Variants in CCDC171 observed in about 807,000 individuals in gnomAD.
CCDC171 encodes the protein coiled-coil domain-containing protein 171.
Under a neutral mutation model 168.2 loss-of-function variants are expected in CCDC171, and 177 were observed. The ratio of observed to expected loss-of-function variants is 1.05; its 90% confidence interval spans 0.93 to 1.19. The LOEUF (loss-of-function observed/expected upper bound fraction) is 1.19, where lower values mean the gene tolerates loss of function less well. CCDC171 is among the 50% of genes most tolerant of loss of function. The probability of loss-of-function intolerance (pLI) is 0.00; values close to 1 mark genes in which losing one functional copy is unlikely to be tolerated. For missense variants in CCDC171, 1,991 were observed against 1,539.0 expected, an observed-to-expected ratio of 1.29 and a Z score of -4.91; for synonymous variants, 687 against 540.8, an observed-to-expected ratio of 1.27 and a Z score of -3.75.
rs558326427 is a variant in CCDC171 at position 15,749,283 on chromosome 9, A to C, written c.2671+3652A>C. On this transcript the variant is annotated intron_variant, in intron 18 of 25. Coordinates refer to ENST00000380701, the MANE Select transcript of CCDC171 (RefSeq NM_173550.4). ...ACAAGAAGAGCTAACTATCCTAAAT[A>C]TATATGCACCCAATACAGGAGCACC... 2.6e-3 allele frequency among the ~76,000 whole-genome samples: 403 copies of C among 152,344 alleles called. 2 individuals carry two copies. Among genetic ancestry groups the C allele is most frequent in the African/African-American group, 9.1e-3 (377 of 41,580 alleles).
intron 18 of CCDC171, among the ~76,000 whole-genome samples, chr9:15,754,992 G>A (rs1320659130): frequency 6.6e-6 from 1 of 152,090 alleles, no homozygotes. Context: ...TAAAAAGATG[G>A]TTCTGTTATA....
At chr9:16,054,016 C>T (rs889762834) in intron 1 of CCDC171, among the ~76,000 whole-genome samples, 4 of 152,222 alleles carry the variant, frequency 2.6e-5, no homozygotes, top group African/African-American at 9.6e-5. Flanking sequence ...AACCTGCAGC[C>T]TGGCCTGCTG....
At chr9:15,697,925 C>T (rs972222827) in intron 11 of CCDC171, among the ~76,000 whole-genome samples, 1 of 152,124 alleles carries the variant, frequency 6.6e-6, no homozygotes, top group African/African-American at 2.4e-5. Context: ...TATTTTGATA[C>T]ATGCATGAAA....
intron 3 of CCDC171, among the ~76,000 whole-genome samples, chr9:16,012,531 AT>A (rs1327571932): frequency 1.5e-5 from 2 of 136,854 alleles, no homozygotes; most frequent in Non-Finnish European, 3.2e-5. Context: ...TAATCTCCAT[AT>A]TTTCTATTGA....
chr9:15,875,040 A>AG, intron 24 of CCDC171: 1 of 153,250 alleles, frequency 6.5e-6, no homozygotes, highest in Non-Finnish European at 1.5e-5. Flanking sequence ...TAGAAAAAAA[A>AG]TAAAATAATA....
At chr9:15,741,922 C>G (rs2054905379) in intron 16 of CCDC171, among the ~76,000 whole-genome samples, 1 of 152,298 alleles carries the variant, frequency 6.6e-6, no homozygotes, top group African/African-American at 2.4e-5. Flanking sequence ...GTGTCTCTAT[C>G]TCTACCTGTA....
chr9:15,595,309 C>T (rs1283828699), intron 6 of CCDC171, among the ~76,000 whole-genome samples: 1 of 152,146 alleles, frequency 6.6e-6, no homozygotes, highest in Non-Finnish European at 1.5e-5. Flanking sequence ...TCCCCTGACC[C>T]CACAACAGGC....
chr9:15,746,040 A>AT lies in CCDC171; in HGVS notation c.2671+416dup, dbSNP rs544150751. ...ATTTTTATCTCTCGTTTTGTGATAT[A>AT]TTTTTTTACTTTTTCTAGTTTATTT... is the stretch of plus-strand genomic sequence containing the variant. On this transcript the variant is annotated intron_variant, in intron 18 of 25. Transcript: ENST00000380701. Among the ~76,000 whole-genome samples, 88 of 152,098 alleles carry AT rather than the reference A, an allele frequency of 5.8e-4. 1 individual carries two copies. The highest frequency in any genetic ancestry group is 2.1e-3 in the African/African-American group (86 of 41,490).
intron 6 of CCDC171, among the ~76,000 whole-genome samples, chr9:15,618,241 A>C (rs993974389): frequency 6.6e-6 from 1 of 152,172 alleles, no homozygotes; most frequent in African/African-American, 2.4e-5. Context: ...GAATCCAGAG[A>C]AGCAGTCTGG....
chr9:15,755,052 A>G (rs1437265213), intron 18 of CCDC171, among the ~76,000 whole-genome samples: 1 of 152,164 alleles, frequency 6.6e-6, no homozygotes, highest in African/African-American at 2.4e-5. Flanking sequence ...ATAGGATGAC[A>G]TTGTATGTTT....
intron 6 of CCDC171, among the ~76,000 whole-genome samples, chr9:15,617,942 G>A (rs917343815): frequency 1.3e-5 from 2 of 152,252 alleles, no homozygotes; most frequent in South Asian, 2.1e-4. Context: ...GGTGTCTGTC[G>A]ATCCCTATTG....
At chr9:15,665,058 C>G (rs955096580) in intron 8 of CCDC171, among the ~76,000 whole-genome samples, 1 of 152,176 alleles carries the variant, frequency 6.6e-6, no homozygotes, top group Non-Finnish European at 1.5e-5. Context: ...AGCTTCAATA[C>G]TTTACTCACG....
chr9:15,933,835 A>G (rs1204352206), intron 25 of CCDC171, among the ~76,000 whole-genome samples: 1 of 152,062 alleles, frequency 6.6e-6, no homozygotes, highest in Non-Finnish European at 1.5e-5. Context: ...AATGCATACC[A>G]ATAAATCTTC....
intron 7 of CCDC171, among the ~76,000 whole-genome samples, chr9:15,642,341 G>GTATATA (rs1392934062): frequency 9.8e-5 from 4 of 40,958 alleles, no homozygotes; most frequent in African/African-American, 2.0e-4. Flanking sequence ...ACGTGTGTGT[G>GTATATA]TGTATATATA....
chr9:15,945,243 T>G (rs2132355193), intron 25 of CCDC171, among the ~76,000 whole-genome samples: 1 of 150,020 alleles, frequency 6.7e-6, no homozygotes, highest in Admixed American at 6.7e-5. Context: ...TATTCCATGG[T>G]GTATATGTGC....
chr9:15,818,466 G>A (rs374715313), intron 21 of CCDC171, among the ~76,000 whole-genome samples: 1 of 117,218 alleles, frequency 8.5e-6, no homozygotes, highest in African/African-American at 3.2e-5. Flanking sequence ...TAGACGAATG[G>A]CTAACTAGAA....
chr9:16,090,875 G>A, the CCDC171 span, among the ~76,000 whole-genome samples: 8 of 152,218 alleles, frequency 5.3e-5, no homozygotes, highest in African/African-American at 1.4e-4. Flanking sequence ...TTCCTTTTAA[G>A]AGGGATGATC....
chr9:15,609,444 A>G (rs911275425), intron 6 of CCDC171, among the ~76,000 whole-genome samples: 3 of 152,224 alleles, frequency 2.0e-5, no homozygotes, highest in African/African-American at 7.2e-5. Flanking sequence ...ATTTATCAGT[A>G]TATTTTTTTA....
rs146620011 is a variant in CCDC171, at chr9:15,594,430, T to C, written c.675+258T>C. ...GGATGTATATATATTTGGTATTTTA[T>C]TTTTCCAATTTAAAATTTGAGACTA... On this transcript the variant is annotated intron_variant, in intron 6 of 25. Coordinates refer to ENST00000380701, the MANE Select transcript of CCDC171 (RefSeq NM_173550.4). Among the ~76,000 whole-genome samples the C allele has an allele frequency of 1.3e-4, 20 of 152,256 alleles. No individual in the cohort carries two copies. The East Asian group carries it at 3.7e-3, about 28-fold the overall frequency.
Sources: allele counts gnomAD v4.1 joint callset (sites outside exome capture counted in the v4.1 genomes callset), GRCh38; gene constraint gnomAD v4.1.1; transcripts MANE v1.5; gene names NCBI Gene and HGNC (gene_info 2026-07-23, HGNC 2026-07-21).